The following ENTREP2 variants were observed in gnomAD, a reference collection of about 807,000 sequenced individuals.
ENTREP2 encodes the protein protein ENTREP2.
the ENTREP2 span, among the ~76,000 whole-genome samples, chr15:29,318,691 C>T: frequency 1.3e-5 from 2 of 152,140 alleles, no homozygotes; most frequent in Non-Finnish European, 1.5e-5. Context: ...TTAGTGTAAT[C>T]GTAACTTTGA....
the ENTREP2 span, among the ~76,000 whole-genome samples, chr15:29,224,426 T>C: frequency 6.6e-6 from 1 of 152,230 alleles, no homozygotes; most frequent in African/African-American, 2.4e-5. Flanking sequence ...GGCAGCCCGC[T>C]TTTAGTCTTA....
At chr15:29,215,242 C>G in the ENTREP2 span, among the ~76,000 whole-genome samples, 3 of 152,078 alleles carry the variant, frequency 2.0e-5, no homozygotes, top group African/African-American at 7.2e-5. Context: ...AAGTATTGAT[C>G]CTGAGTGTGT....
the ENTREP2 span, among the ~76,000 whole-genome samples, chr15:29,566,199 G>A: frequency 3.3e-5 from 5 of 151,484 alleles, no homozygotes; most frequent in East Asian, 4.0e-4. Context: ...TTACTCCATC[G>A]CCCAGGCTGG....
chr15:29,119,613 A>AAAAT, the ENTREP2 span, among the ~76,000 whole-genome samples: 257 of 74,120 alleles, frequency 3.5e-3, 28 homozygotes, highest in African/African-American at 0.011. Context: ...AAAAAAATTA[A>AAAAT]AAATAAATAA....
the ENTREP2 span, among the ~76,000 whole-genome samples, chr15:29,407,696 GTCTC>G: frequency 2.0e-5 from 3 of 152,052 alleles, no homozygotes; most frequent in South Asian, 2.1e-4. Flanking sequence ...GGGAGCCCGA[GTCTC>G]TCTGTCACCC....
chr15:29,672,824 T>C, the ENTREP2 span, among the ~76,000 whole-genome samples: 1 of 151,984 alleles, frequency 6.6e-6, no homozygotes, highest in East Asian at 1.9e-4. Flanking sequence ...AAATTGTTGC[T>C]GGAAAGGGGT....
chr15:29,492,785 C>T, the ENTREP2 span, among the ~76,000 whole-genome samples: 1 of 152,052 alleles, frequency 6.6e-6, no homozygotes, highest in Non-Finnish European at 1.5e-5. Context: ...AGGTAGATCA[C>T]CTGAGGTCAG....
At chr15:29,574,120 A>T in the ENTREP2 span, among the ~76,000 whole-genome samples, 1 of 152,092 alleles carries the variant, frequency 6.6e-6, no homozygotes, top group East Asian at 1.9e-4. Context: ...GATCACGACA[A>T]CTCATTGACT....
At chr15:29,534,983 C>T in the ENTREP2 span, among the ~76,000 whole-genome samples, 59 of 151,034 alleles carry the variant, frequency 3.9e-4, no homozygotes, top group Admixed American at 4.6e-4. Flanking sequence ...TGGTGGCTCA[C>T]GCCTGTAATC....
chr15:29,184,174 G>A, the ENTREP2 span, among the ~76,000 whole-genome samples: 6 of 152,256 alleles, frequency 3.9e-5, no homozygotes, highest in African/African-American at 1.2e-4. Flanking sequence ...TAGTAGACAC[G>A]GGGTTTTGCC....
chr15:29,147,592 A>T, the ENTREP2 span, among the ~76,000 whole-genome samples: 1 of 152,232 alleles, frequency 6.6e-6, no homozygotes, highest in Non-Finnish European at 1.5e-5. Flanking sequence ...AGAAACTGGA[A>T]CCACAATGAA....
At chr15:29,597,489 A>T in the ENTREP2 span, among the ~76,000 whole-genome samples, 1 of 150,564 alleles carries the variant, frequency 6.6e-6, no homozygotes, top group African/African-American at 2.4e-5. Flanking sequence ...AATCGCTTGA[A>T]CCCGGGAGGC....
the ENTREP2 span, among the ~76,000 whole-genome samples, chr15:29,287,687 T>TA: frequency 6.6e-6 from 1 of 152,220 alleles, no homozygotes; most frequent in African/African-American, 2.4e-5. Context: ...ATATTCCCCA[T>TA]ATTCATCAAA....
chr15:29,642,839 C>G, the ENTREP2 span, among the ~76,000 whole-genome samples: 3 of 152,072 alleles, frequency 2.0e-5, no homozygotes, highest in African/African-American at 7.2e-5. Context: ...ATCTCGATCT[C>G]TTGACCTTGT....
At chr15:29,400,129 C>T in the ENTREP2 span, among the ~76,000 whole-genome samples, 6 of 152,148 alleles carry the variant, frequency 3.9e-5, no homozygotes, top group East Asian at 3.8e-4. Context: ...CTCTTGTGCC[C>T]GTGCACATAT....
chr15:29,134,835 A>G, the ENTREP2 span, among the ~76,000 whole-genome samples: 1 of 152,088 alleles, frequency 6.6e-6, no homozygotes, highest in African/African-American at 2.4e-5. Context: ...TCGGGATCTC[A>G]AAGTGACAGG....
the ENTREP2 span, among the ~76,000 whole-genome samples, chr15:29,143,495 C>T: frequency 1.3e-5 from 2 of 152,124 alleles, no homozygotes; most frequent in African/African-American, 2.4e-5. Flanking sequence ...GAGGTCAGGG[C>T]ATGGCTGTCA....
At chr15:29,348,196 GCA>G in the ENTREP2 span, among the ~76,000 whole-genome samples, 1 of 152,120 alleles carries the variant, frequency 6.6e-6, no homozygotes, top group Admixed American at 6.6e-5. Context: ...AATGTGTCAG[GCA>G]CTGTTCTCAG....
chr15:29,411,294 G>C, the ENTREP2 span, among the ~76,000 whole-genome samples: 25 of 152,088 alleles, frequency 1.6e-4, no homozygotes, highest in Non-Finnish European at 2.6e-4. Flanking sequence ...CTGTATTCCA[G>C]AGTGGTCCCA....
Sources: allele counts gnomAD v4.1 joint callset (sites outside exome capture counted in the v4.1 genomes callset), GRCh38; gene constraint gnomAD v4.1.1; transcripts MANE v1.5; gene names NCBI Gene and HGNC (gene_info 2026-07-23, HGNC 2026-07-21).